Variants in ST8SIA1 observed in about 807,000 individuals in gnomAD.
ST8SIA1 encodes alpha-N-acetylneuraminide alpha-2,8-sialyltransferase.
ST8SIA1 carries 16 observed loss-of-function variants against 35.9 expected under a neutral mutation model. The observed-to-expected ratio is 0.45, with a 90% CI of 0.30 to 0.68. The LOEUF is 0.68. ST8SIA1 is among the 30% of genes least tolerant of loss of function. The pLI, the probability that ST8SIA1 is intolerant of heterozygous loss-of-function variation, is 0.09. For synonymous variants in ST8SIA1, 170 were observed against 169.6 expected (o/e 1.00, Z -0.02); for missense variants, 383 against 453.6 (o/e 0.84, Z 1.41).
At chr12:22,247,031 T>C (rs879767288) in intron 4 of ST8SIA1, among the ~76,000 whole-genome samples, 1 of 152,102 alleles carries the variant, frequency 6.6e-6, no homozygotes, top group Admixed American at 6.6e-5. Context: ...CTGTCCTTCC[T>C]CCATTTGTAT....
chr12:22,325,103 T>A (rs1017079485), intron 1 of ST8SIA1: 4 of 219,476 alleles, frequency 1.8e-5, no homozygotes, highest in Non-Finnish European at 3.5e-5. Context: ...TTCTTCTTTT[T>A]TACTACATTT....
chr12:22,282,370 C>A (rs1418568174), intron 2 of ST8SIA1, among the ~76,000 whole-genome samples: 3 of 152,172 alleles, frequency 2.0e-5, no homozygotes, highest in Admixed American at 2.0e-4. Context: ...TGAGGCAGCC[C>A]GTATAGTTGA....
rs1214647343 is a variant in ST8SIA1, at chr12:22,201,981, G to A, written c.642C>T (p.Asn214=). Residue 214 remains asparagine, a synonymous_variant, in exon 5 of 5, where the codon AAC becomes AAT. Transcript: ENST00000396037. The part of the protein sequence containing the change: ...KTFVDNMKIY[N]HSYIYMPAFS... ...AGGCAGGCATGTAGATGTAACTGTG[G>A]TTATAAATTTTCATGTTGTCCACAA... The A allele has an allele frequency of 6.2e-7, 1 of 1,613,452 alleles. No homozygotes were observed. Among genetic ancestry groups the A allele is most frequent in the East Asian group, 2.2e-5 (1 of 44,878 alleles).
At position 22,297,514 on chromosome 12, in the gene ST8SIA1, T is replaced by G. The variant is rs181544332; in HGVS notation, c.237-10221A>C. The stretch of plus-strand genomic sequence containing the variant: ...ACTTTGGCTTTGTGCTATGAACCAT[T>G]TTCACAGAATGGAATTCCGTGTAAA... On this transcript the variant is annotated intron_variant, in intron 1 of 4. Coordinates refer to ENST00000396037, the MANE Select transcript of ST8SIA1 (RefSeq NM_003034.4). 1.2e-4 allele frequency among the ~76,000 whole-genome samples: 18 copies of G among 152,196 alleles called. No individual in the cohort carries two copies. The East Asian group carries it at 2.1e-3, about 18-fold the overall frequency.
chr12:22,288,503 G>T (rs1301325336), intron 1 of ST8SIA1, among the ~76,000 whole-genome samples: 2 of 152,190 alleles, frequency 1.3e-5, no homozygotes, highest in East Asian at 1.9e-4. Flanking sequence ...TTGTTGCCAG[G>T]AATCAGCCTA....
chr12:22,216,353 T>C (rs1865233581), intron 4 of ST8SIA1, among the ~76,000 whole-genome samples: 1 of 152,186 alleles, frequency 6.6e-6, no homozygotes, highest in Admixed American at 6.5e-5. Context: ...TTCTTGCCAC[T>C]GCTCGTCAGC....
At chr12:22,308,585 G>A (rs1866412031) in intron 1 of ST8SIA1, among the ~76,000 whole-genome samples, 1 of 152,048 alleles carries the variant, frequency 6.6e-6, no homozygotes. Context: ...CTCTGATTTT[G>A]ACAAACCAAA....
chr12:22,257,293 C>T (rs966338082), intron 2 of ST8SIA1, among the ~76,000 whole-genome samples: 1 of 151,850 alleles, frequency 6.6e-6, no homozygotes, highest in African/African-American at 2.4e-5. Flanking sequence ...CTCACTGCAA[C>T]TCCCACCTCC....
intron 4 of ST8SIA1, among the ~76,000 whole-genome samples, chr12:22,218,272 C>T (rs1478696576): frequency 6.6e-6 from 1 of 150,932 alleles, no homozygotes; most frequent in African/African-American, 2.4e-5. Flanking sequence ...TGCAGTGGGC[C>T]GAGATTATGC....
At chr12:22,260,561 G>T (rs1865777774) in intron 2 of ST8SIA1, among the ~76,000 whole-genome samples, 1 of 151,998 alleles carries the variant, frequency 6.6e-6, no homozygotes, top group African/African-American at 2.4e-5. Flanking sequence ...TCTTATTAGT[G>T]ACCATATTAT....
At chr12:22,252,946 GT>G (rs1865690952) in intron 3 of ST8SIA1, among the ~76,000 whole-genome samples, 1 of 152,182 alleles carries the variant, frequency 6.6e-6, no homozygotes, top group Admixed American at 6.5e-5. Context: ...CTTTGAATCT[GT>G]GAGTTGAATA....
At chr12:22,315,684 G>A (rs1007269592) in intron 1 of ST8SIA1, among the ~76,000 whole-genome samples, 1 of 150,894 alleles carries the variant, frequency 6.6e-6, no homozygotes, top group Non-Finnish European at 1.5e-5. Flanking sequence ...GAAGTAATGA[G>A]GGAACTAAAC....
chr12:22,293,662 CA>C (rs1866208125), intron 1 of ST8SIA1, among the ~76,000 whole-genome samples: 1 of 152,182 alleles, frequency 6.6e-6, no homozygotes, highest in Non-Finnish European at 1.5e-5. Context: ...TATATAGCCT[CA>C]GTAAGTAATT....
intron 1 of ST8SIA1, among the ~76,000 whole-genome samples, chr12:22,295,724 C>T (rs143977779): frequency 1.3e-5 from 2 of 152,222 alleles, no homozygotes; most frequent in East Asian, 3.9e-4. Context: ...AAAGTGAGAC[C>T]CTGTTTCAGA....
intron 2 of ST8SIA1, among the ~76,000 whole-genome samples, chr12:22,263,423 G>A (rs1220622631): frequency 6.6e-6 from 1 of 152,030 alleles, no homozygotes; most frequent in Non-Finnish European, 1.5e-5. Flanking sequence ...TACATTTGTT[G>A]CTTTGTTGCT....
intron 2 of ST8SIA1, among the ~76,000 whole-genome samples, chr12:22,260,258 C>T (rs2135799525): frequency 6.6e-6 from 1 of 151,800 alleles, no homozygotes; most frequent in East Asian, 1.9e-4. Context: ...ATCTCCCAGG[C>T]CCAAGCAATC....
chr12:22,207,799 A>T (rs2120624567), intron 4 of ST8SIA1, among the ~76,000 whole-genome samples: 1 of 152,300 alleles, frequency 6.6e-6, no homozygotes, highest in East Asian at 1.9e-4. Flanking sequence ...TCACAAGTCC[A>T]CAATCATAAT....
In ST8SIA1 at chr12:22,193,603, G is replaced by T. The variant is rs1864949343; in HGVS notation, c.*7949C>A. On this transcript the variant is annotated 3_prime_UTR_variant, in exon 5 of 5. Coordinates refer to ENST00000396037, the MANE Select transcript of ST8SIA1 (RefSeq NM_003034.4). Reference sequence around the variant, plus strand: ...CAAGTCAGCAGAACCAACAGAGATAGATACTAATTTTTCTAATCACACCGT... The same window carrying T: ...CAAGTCAGCAGAACCAACAGAGATATATACTAATTTTTCTAATCACACCGT... The T allele has an allele frequency of 6.6e-6, 1 of 152,114 alleles. No homozygotes were observed. The highest frequency in any genetic ancestry group is 2.4e-5 in the African/African-American group (1 of 41,434). 9.4% of individuals were successfully genotyped at this position (152,114 alleles called of 1,614,324 possible).
Position 22,309,051 on chromosome 12 carries a change from C to T in ST8SIA1, c.237-21758G>A, listed in dbSNP as rs540120452. ...AGAGATACAAAAGAGAACAGACCTA[C>T]GATGGACCATCAGGAGATGTCTAAA... is the stretch of plus-strand genomic sequence containing the variant. On this transcript the variant is annotated intron_variant, in intron 1 of 4. Coordinates refer to ENST00000396037, the MANE Select transcript of ST8SIA1 (RefSeq NM_003034.4). 7.2e-5 allele frequency among the ~76,000 whole-genome samples: 11 copies of T among 152,222 alleles called. No homozygotes were observed. In the South Asian group the frequency reaches 1.2e-3, roughly 17 times the overall value.
Sources: allele counts gnomAD v4.1 joint callset (sites outside exome capture counted in the v4.1 genomes callset), GRCh38; gene constraint gnomAD v4.1.1; transcripts MANE v1.5; gene names NCBI Gene and HGNC (gene_info 2026-07-23, HGNC 2026-07-21).